Variants in TANC2 observed in about 807,000 individuals in gnomAD.
The protein encoded by TANC2 is protein TANC2.
In TANC2, 26 loss-of-function variants were observed where a neutral mutation model predicts 210.5. That is an observed-to-expected ratio of 0.12 (90% CI 0.09 to 0.17). TANC2 has a LOEUF of 0.17. TANC2 is among the 10% of genes least tolerant of loss of function. The pLI, the probability that TANC2 is intolerant of heterozygous loss-of-function variation, is 1.00. For missense variants in TANC2, 2,129 were observed against 2,608.9 expected (o/e 0.82, Z 4.01); for synonymous variants, 931 against 967.1 (o/e 0.96, Z 0.69).
chr17:63,318,785 G>A (rs1171904019), intron 10 of TANC2, among the ~76,000 whole-genome samples, 172 bp from the exon 11 acceptor site: 1 of 152,092 alleles, frequency 6.6e-6, no homozygotes, highest in Non-Finnish European at 1.5e-5. Flanking sequence ...ATTATGAATC[G>A]TTCTTCTGTG....
In TANC2 at chr17:63,272,659, G is replaced by C. The variant is rs187048538; in HGVS notation, c.1159+4786G>C. On this transcript the variant is annotated intron_variant, in intron 9 of 27. Transcript: ENST00000689528. ...GCAGTGTTTTGAAGTTCTCCTGATA[G>C]AGATAATTCACCTACCTGGTTAACT... is the stretch of plus-strand genomic sequence containing the variant. 8.5e-5 allele frequency among the ~76,000 whole-genome samples: 13 copies of C among 152,184 alleles called. No homozygotes were observed. In the East Asian group the frequency reaches 2.5e-3, roughly 29 times the overall value.
chr17:63,328,667 CA>C, intron 11 of TANC2, among the ~76,000 whole-genome samples: 1 of 148,100 alleles, frequency 6.8e-6, no homozygotes, highest in Non-Finnish European at 1.5e-5. Context: ...AGTTGTTGAT[CA>C]CAGGTGATCA....
chr17:63,179,319 A>C (rs991642636), intron 5 of TANC2, among the ~76,000 whole-genome samples: 2 of 152,216 alleles, frequency 1.3e-5, no homozygotes, highest in African/African-American at 2.4e-5. Context: ...GGTTGAGAAC[A>C]TAGGCTCAAG....
Position 63,013,761 on chromosome 17 carries a change from TTAAA to T in TANC2, c.67+4136_67+4139del, listed in dbSNP as rs201070931. ...TGGGCGACAGAGTGAGACCCTGTCTTTAAAAAAAAAAAAAAAAAAAAAAAAATCT... is the reference window on the plus strand; with the variant it reads ...TGGGCGACAGAGTGAGACCCTGTCTTAAAAAAAAAAAAAAAAAAAAAATCT... On this transcript the variant is annotated intron_variant, in intron 2 of 27. Coordinates refer to ENST00000689528, the Ensembl canonical transcript of TANC2. Among the ~76,000 whole-genome samples, 530 of 85,798 alleles carry T rather than the reference TTAAA, an allele frequency of 6.2e-3. 7 individuals carry two copies. The highest frequency in any genetic ancestry group is 0.023 in the African/African-American group (499 of 22,042). 56.3% of individuals were successfully genotyped at this position (85,798 alleles called of 152,430 possible). A position where few individuals can be genotyped will look rare whatever the true frequency, so the allele number is the denominator to read the frequency against.
At chr17:63,356,085 C>T (rs1434654904) in intron 14 of TANC2, among the ~76,000 whole-genome samples, 4 of 151,856 alleles carry the variant, frequency 2.6e-5, no homozygotes, top group African/African-American at 9.7e-5. Flanking sequence ...TATCCCACCA[C>T]TCCCCACCCC....
chr17:63,173,493 T>C (rs1369876749), intron 5 of TANC2, among the ~76,000 whole-genome samples: 1 of 152,250 alleles, frequency 6.6e-6, no homozygotes, highest in Non-Finnish European at 1.5e-5. Context: ...AAGCCAAATA[T>C]GCACCCCTAA....
chr17:63,029,247 T>C (rs2034671715), intron 2 of TANC2, among the ~76,000 whole-genome samples: 1 of 152,122 alleles, frequency 6.6e-6, no homozygotes, highest in South Asian at 2.1e-4. Flanking sequence ...AAAGATTTTA[T>C]TTTTGGACTC....
chr17:63,402,568 ATC>A (rs1459535538), intron 19 of TANC2, among the ~76,000 whole-genome samples: 1 of 152,178 alleles, frequency 6.6e-6, no homozygotes, highest in Admixed American at 6.5e-5. Flanking sequence ...AGTCATGTGT[ATC>A]TCTGCGTTCT....
intron 7 of TANC2, among the ~76,000 whole-genome samples, chr17:63,231,023 CTTCT>C (rs1193651689): frequency 6.6e-6 from 1 of 152,046 alleles, no homozygotes; most frequent in East Asian, 1.9e-4. Flanking sequence ...ATGTAATGCC[CTTCT>C]TTGTCTTTTT....
At chr17:63,287,633 T>C (rs560337125) in intron 9 of TANC2, among the ~76,000 whole-genome samples, 2 of 152,268 alleles carry the variant, frequency 1.3e-5, no homozygotes, top group East Asian at 3.9e-4. Flanking sequence ...TCTAATTGTT[T>C]GGTACTTCTG....
At chr17:63,242,280 G>GCTA (rs1166720164) in intron 8 of TANC2, among the ~76,000 whole-genome samples, 5 of 151,964 alleles carry the variant, frequency 3.3e-5, no homozygotes, top group Non-Finnish European at 7.4e-5. Flanking sequence ...TGTCTGTGAG[G>GCTA]CTAATACTAT....
At chr17:63,133,644 A>G (rs982073412) in intron 4 of TANC2, among the ~76,000 whole-genome samples, 7 of 152,116 alleles carry the variant, frequency 4.6e-5, no homozygotes, top group South Asian at 2.1e-4. Context: ...TCTTTATTAT[A>G]TGTAAAACTA....
intron 2 of TANC2, among the ~76,000 whole-genome samples, chr17:63,027,331 G>C (rs2034592916): frequency 6.6e-6 from 1 of 151,978 alleles, no homozygotes. Flanking sequence ...TTGAGTAATA[G>C]ACTGATTTTT....
chr17:63,366,980 TA>T (rs1039257011), intron 14 of TANC2, among the ~76,000 whole-genome samples: 1 of 152,242 alleles, frequency 6.6e-6, no homozygotes, highest in Non-Finnish European at 1.5e-5. Flanking sequence ...GCAGAATTTT[TA>T]AGAAGAGAAG....
chr17:63,212,554 A>C (rs943496002), intron 7 of TANC2, among the ~76,000 whole-genome samples: 1 of 152,200 alleles, frequency 6.6e-6, no homozygotes. Context: ...CAGTGCTTAC[A>C]TTAGGAAAAT....
chr17:62,969,459 T>C (rs2031561286), intron 1 of TANC2, among the ~76,000 whole-genome samples: 1 of 152,210 alleles, frequency 6.6e-6, no homozygotes, highest in Admixed American at 6.5e-5. Flanking sequence ...GCAAGTACAA[T>C]AGATGTGGAT....
chr17:63,397,280 AAAAC>A (rs200319665), intron 18 of TANC2, among the ~76,000 whole-genome samples: 2,682 of 151,914 alleles, frequency 0.018, 28 homozygotes, highest in Middle Eastern at 0.041. Flanking sequence ...ATCTCAAAAA[AAAAC>A]AAACAAACAA....
At chr17:63,317,431 C>T (rs2146610624) in intron 10 of TANC2, among the ~76,000 whole-genome samples, 1 of 151,790 alleles carries the variant, frequency 6.6e-6, no homozygotes, top group African/African-American at 2.4e-5. Context: ...TCTCCACCAC[C>T]ACCACCACCA....
chr17:63,384,592 C>T (rs980936431), intron 15 of TANC2, among the ~76,000 whole-genome samples: 6 of 152,032 alleles, frequency 3.9e-5, no homozygotes, highest in African/African-American at 1.2e-4. Context: ...TTATATCTTT[C>T]CCTTACCCCA....
Sources: allele counts gnomAD v4.1 joint callset (sites outside exome capture counted in the v4.1 genomes callset), GRCh38; gene constraint gnomAD v4.1.1; transcripts MANE v1.5; gene names NCBI Gene and HGNC (gene_info 2026-07-23, HGNC 2026-07-21).